The following DNM3 variants were observed in gnomAD, a reference collection of about 807,000 sequenced individuals.
The protein encoded by DNM3 is dynamin 3.
In DNM3, 47 loss-of-function variants were observed where a neutral mutation model predicts 101.6. The ratio of observed to expected loss-of-function variants is 0.46; its 90% CI spans 0.37 to 0.59. The LOEUF (loss-of-function observed/expected upper bound fraction) is 0.59, where lower values mean the gene tolerates loss of function less well. Ranked by LOEUF, DNM3 falls within the 20% of genes least tolerant of loss-of-function variation. DNM3 has a pLI of 0.00. For synonymous variants in DNM3, 385 were observed against 387.9 expected (o/e 0.99, Z 0.09); for missense variants, 849 against 1,085.7 (o/e 0.78, Z 3.06).
intron 1 of DNM3, among the ~76,000 whole-genome samples, chr1:171,852,243 CA>C (rs1228584243): frequency 6.6e-6 from 1 of 152,164 alleles, no homozygotes; most frequent in Admixed American, 6.5e-5. Flanking sequence ...GCCTATCTTC[CA>C]GATTACTTCT....
At chr1:171,898,277 T>G (rs2037990730) in intron 1 of DNM3, among the ~76,000 whole-genome samples, 1 of 152,142 alleles carries the variant, frequency 6.6e-6, no homozygotes, top group South Asian at 2.1e-4. Flanking sequence ...TATTACCATT[T>G]TCATTTTGAA....
intron 17 of DNM3, chr1:172,338,866 G>A (rs1459412151): frequency 2.2e-6 from 1 of 464,682 alleles, no homozygotes; most frequent in Non-Finnish European, 4.3e-6. Context: ...GAATGAAAGT[G>A]CATCTGAACT....
rs541369869 is a variant in DNM3 at position 172,139,108 on chromosome 1, A to G, written c.1659+7820A>G. On this transcript the variant is annotated intron_variant, in intron 14 of 20. Coordinates refer to ENST00000627582, the MANE Select transcript of DNM3 (RefSeq NM_015569.5). Reference sequence around the variant, plus strand: ...ATACATTTGTTCCAAATGTGCTAACATGGATAATTTGCGTAACAGAAAACT... The same window carrying G: ...ATACATTTGTTCCAAATGTGCTAACGTGGATAATTTGCGTAACAGAAAACT... 45 of 323,798 alleles carry G rather than the reference A, an allele frequency of 1.4e-4. No individual in the cohort carries two copies. The East Asian group carries it at 4.2e-3, about 30-fold the overall frequency. 20.1% of individuals were successfully genotyped at this position (323,798 alleles called of 1,614,324 possible). A position where few individuals can be genotyped will look rare whatever the true frequency, so the allele number is the denominator to read the frequency against.
intron 17 of DNM3, among the ~76,000 whole-genome samples, chr1:172,343,988 G>T (rs2066813054): frequency 6.6e-6 from 1 of 151,638 alleles, no homozygotes; most frequent in Admixed American, 6.6e-5. Flanking sequence ...TCCTTCAGCT[G>T]GTCAATTTGG....
chr1:171,884,619 TG>T (rs1158310656), intron 1 of DNM3, among the ~76,000 whole-genome samples: 3 of 152,212 alleles, frequency 2.0e-5, no homozygotes, highest in Non-Finnish European at 2.9e-5. Flanking sequence ...AGGGCTCAGC[TG>T]CTTTCTGATG....
chr1:172,291,941 C>T (rs1042295551), intron 15 of DNM3, among the ~76,000 whole-genome samples: 3 of 152,096 alleles, frequency 2.0e-5, no homozygotes, highest in Non-Finnish European at 4.4e-5. Context: ...AATCAGGATT[C>T]AGACATCTGA....
At chr1:172,282,577 A>T (rs1160790753) in intron 15 of DNM3, among the ~76,000 whole-genome samples, 2 of 152,232 alleles carry the variant, frequency 1.3e-5, no homozygotes, top group South Asian at 4.1e-4. Context: ...TAAAAAAATG[A>T]AATTTCCAGA....
intron 1 of DNM3, among the ~76,000 whole-genome samples, chr1:171,912,618 G>T (rs1295474459): frequency 6.6e-6 from 1 of 152,154 alleles, no homozygotes; most frequent in Non-Finnish European, 1.5e-5. Context: ...AGAAGAGGAA[G>T]GGTAAAAGTT....
chr1:172,126,718 C>CTT (rs553434172), intron 13 of DNM3, among the ~76,000 whole-genome samples: 2 of 146,032 alleles, frequency 1.4e-5, no homozygotes, highest in African/African-American at 5.0e-5. Context: ...ACGGTACCTG[C>CTT]TTTTTTTTTT....
chr1:171,945,919 G>A (rs1419470424), intron 2 of DNM3, among the ~76,000 whole-genome samples: 1 of 152,188 alleles, frequency 6.6e-6, no homozygotes, highest in African/African-American at 2.4e-5. Flanking sequence ...GAATCCCACG[G>A]TAAGGCAGTT....
chr1:172,088,682 G>A (rs1175356456), intron 12 of DNM3, among the ~76,000 whole-genome samples: 4 of 152,128 alleles, frequency 2.6e-5, no homozygotes, highest in Admixed American at 1.3e-4. Flanking sequence ...CTCTTGGAAC[G>A]TAGTCATTTG....
At chr1:171,936,512 A>G (rs1056026852) in intron 2 of DNM3, among the ~76,000 whole-genome samples, 3 of 152,198 alleles carry the variant, frequency 2.0e-5, no homozygotes, top group Admixed American at 2.0e-4. Flanking sequence ...TTTCAATGAC[A>G]TTAGTATAAG....
intron 10 of DNM3, among the ~76,000 whole-genome samples, chr1:172,066,108 A>C (rs1421885830): frequency 2.0e-5 from 3 of 152,156 alleles, no homozygotes; most frequent in African/African-American, 7.2e-5. Flanking sequence ...TTGGAGAAAT[A>C]TTACATGCTA....
intron 11 of DNM3, among the ~76,000 whole-genome samples, chr1:172,069,249 T>C (rs1428235269): frequency 6.6e-6 from 1 of 152,212 alleles, no homozygotes; most frequent in African/African-American, 2.4e-5. Context: ...ATTTTCTCTT[T>C]AAGACAGAGG....
intron 17 of DNM3, among the ~76,000 whole-genome samples, chr1:172,338,021 A>G (rs989501006): frequency 5.7e-4 from 87 of 151,630 alleles, no homozygotes; most frequent in African/African-American, 2.1e-3. Flanking sequence ...GGTTCAAGCG[A>G]TTCTCATGCC....
At chr1:171,876,870 T>C (rs1343999103) in intron 1 of DNM3, among the ~76,000 whole-genome samples, 1 of 152,244 alleles carries the variant, frequency 6.6e-6, no homozygotes, top group African/African-American at 2.4e-5. Flanking sequence ...TTTTTATTCT[T>C]TTCAAAGACT....
chr1:172,401,568 A>G (rs574482458), intron 20 of DNM3, among the ~76,000 whole-genome samples: 12 of 152,330 alleles, frequency 7.9e-5, no homozygotes, highest in African/African-American at 2.9e-4. Flanking sequence ...GACATACATT[A>G]TAAAATCATG....
At position 171,861,631 on chromosome 1, in the gene DNM3, A is replaced by C. The variant is rs147101396; in HGVS notation, c.161+19814A>C. Reference sequence around the variant, plus strand: ...CTAAATGTAAGAGCTAAAGCTACAAAATTTTTAGAAGAAAACACAAGTATA... The same window carrying C: ...CTAAATGTAAGAGCTAAAGCTACAACATTTTTAGAAGAAAACACAAGTATA... On this transcript the variant is annotated intron_variant, in intron 1 of 20. Transcript: ENST00000627582. Among the ~76,000 whole-genome samples the C allele has an allele frequency of 3.1e-3, 474 of 152,286 alleles. 1 individual carries two copies. Among genetic ancestry groups the C allele is most frequent in the Middle Eastern group, 0.017 (5 of 294 alleles).
intron 11 of DNM3, among the ~76,000 whole-genome samples, chr1:172,071,087 A>ATG (rs1491587570): frequency 7.9e-4 from 9 of 11,376 alleles, no homozygotes; most frequent in African/African-American, 2.1e-3. Flanking sequence ...AAGACCCTGC[A>ATG]TATATATATA....
Sources: gnomAD v4.1 joint callset for allele counts (sites outside exome capture counted in the v4.1 genomes callset) on GRCh38, gnomAD v4.1.1 for gene constraint, MANE v1.5 for transcripts, NCBI Gene and HGNC (gene_info 2026-07-23, HGNC 2026-07-21) for gene names.